The following PAK2 variants were observed in gnomAD, a reference collection of about 807,000 sequenced individuals.
The protein encoded by PAK2 is p21 (RAC1) activated kinase 2.
In PAK2, 21 loss-of-function variants were observed where a neutral mutation model predicts 65.9. That is an observed-to-expected ratio of 0.32 (90% CI 0.23 to 0.46). PAK2 has a LOEUF of 0.46. PAK2 is among the 20% of genes least tolerant of loss of function. The pLI is 1.00. For missense variants in PAK2, 324 were observed against 642.6 expected, an observed-to-expected ratio of 0.50 and a Z score of 5.36; for synonymous variants, 204 against 219.7, an observed-to-expected ratio of 0.93 and a Z score of 0.63.
chr3:196,774,909 C>T (rs1239884100), intron 1 of PAK2, among the ~76,000 whole-genome samples: 1 of 152,194 alleles, frequency 6.6e-6, no homozygotes, highest in East Asian at 1.9e-4. Flanking sequence ...TTTGTCATTA[C>T]TTGTAATAGA....
At chr3:196,777,948 T>G (rs1714587109) in intron 1 of PAK2, among the ~76,000 whole-genome samples, 1 of 152,216 alleles carries the variant, frequency 6.6e-6, no homozygotes, top group Non-Finnish European at 1.5e-5. Context: ...GTGGTTTTAG[T>G]GTATTCACAG....
intron 1 of PAK2, among the ~76,000 whole-genome samples, chr3:196,766,468 G>A (rs767584325): frequency 1.1e-4 from 16 of 152,232 alleles, no homozygotes; most frequent in East Asian, 1.9e-4. Flanking sequence ...ATTCTGTTCC[G>A]TATTTTGGTC....
intron 1 of PAK2, among the ~76,000 whole-genome samples, chr3:196,756,191 T>C (rs1713763775): frequency 1.3e-5 from 2 of 152,160 alleles, no homozygotes; most frequent in African/African-American, 4.8e-5. Context: ...AGTTTTTTAA[T>C]GTGGTGATTG....
intron 7 of PAK2, 88 bp from the exon 8 acceptor site, chr3:196,810,502 A>G: frequency 1.3e-6 from 1 of 759,120 alleles, no homozygotes; most frequent in Non-Finnish European, 2.3e-6. Flanking sequence ...TTATAAAAAC[A>G]GTGGAGTTCA....
chr3:196,808,033 T>A (rs1715641900), intron 7 of PAK2, 119 bp downstream of exon 7: 1 of 920,486 alleles, frequency 1.1e-6, no homozygotes, highest in Non-Finnish European at 1.6e-6. Context: ...ATAAATTGTT[T>A]CCTTATAGCA....
chr3:196,829,848 TA>T lies in PAK2; in HGVS notation c.*1447del, dbSNP rs1486445292. On this transcript the variant is annotated 3_prime_UTR_variant, in exon 15 of 15. Coordinates refer to ENST00000327134, the MANE Select transcript of PAK2 (RefSeq NM_002577.4). Reference sequence around the variant, plus strand: ...AATAATTTGTTTCTTTTAAAGATTCTAAAAGGTCTGAGACCTGTAGCATTAA... The same window carrying T: ...AATAATTTGTTTCTTTTAAAGATTCTAAAGGTCTGAGACCTGTAGCATTAA... The T allele has an allele frequency of 1.3e-5, 2 of 152,234 alleles. No individual in the cohort carries two copies. Among genetic ancestry groups the T allele is most frequent in the Non-Finnish European group, 2.9e-5 (2 of 68,046 alleles). The allele number at this position is 152,234 out of a possible 1,614,324, so 9.4% of individuals were successfully genotyped here. A position where few individuals can be genotyped will look rare whatever the true frequency, so the allele number is the denominator to read the frequency against.
chr3:196,808,118 G>A (rs1560111975), intron 7 of PAK2: 1 of 431,304 alleles, frequency 2.3e-6, no homozygotes, highest in Admixed American at 4.2e-5. Flanking sequence ...AGGAGATCAA[G>A]ACCAGCCTGG....
At position 196,791,459 on chromosome 3, in the gene PAK2, T is replaced by C. The variant is rs1481818544; in HGVS notation, c.187+8626T>C. Among the ~76,000 whole-genome samples the C allele has an allele frequency of 1.3e-5, 2 of 152,206 alleles. No individual in the cohort carries two copies. The highest frequency in any genetic ancestry group is 1.3e-4 in the Admixed American group (2 of 15,278). On this transcript the variant is annotated intron_variant, in intron 2 of 14. Coordinates refer to ENST00000327134, the MANE Select transcript of PAK2 (RefSeq NM_002577.4). The surrounding 1 kb of genome is among the most constrained non-coding windows in gnomAD (Gnocchi z 4.0). The stretch of plus-strand genomic sequence containing the variant: ...ACTCCTATCATATATGAAACTTTAA[T>C]ATATTTCTCTAAACTCTTAACGTTT...
intron 1 of PAK2, among the ~76,000 whole-genome samples, chr3:196,741,922 G>GTTTA (rs1713205124): frequency 1.3e-5 from 2 of 152,022 alleles, no homozygotes; most frequent in African/African-American, 4.8e-5. Flanking sequence ...TAGGGCCTTG[G>GTTTA]TTTATGGTTT....
Position 196,789,794 on chromosome 3 carries a change from G to C in PAK2, c.187+6961G>C, listed in dbSNP as rs148263003. On this transcript the variant is annotated intron_variant, in intron 2 of 14. Coordinates refer to ENST00000327134, the MANE Select transcript of PAK2 (RefSeq NM_002577.4). ...AACAATTTTTCTGTGGGGCTGACGG[G>C]GGGGTGGTTTCGGTATGAAACTCTT... Among the ~76,000 whole-genome samples, 20 of 152,254 alleles carry C rather than the reference G, an allele frequency of 1.3e-4. No homozygotes were observed. The East Asian group carries it at 1.7e-3, about 13-fold the overall frequency.
chr3:196,759,673 C>T (rs761012683), intron 1 of PAK2, among the ~76,000 whole-genome samples: 4 of 151,476 alleles, frequency 2.6e-5, no homozygotes, highest in East Asian at 3.9e-4. Context: ...ACTACAGGCA[C>T]GCACCACCAC....
chr3:196,825,419 A>G (rs144014544), intron 13 of PAK2, among the ~76,000 whole-genome samples: 7,715 of 151,096 alleles, frequency 0.051, 693 homozygotes, highest in African/African-American at 0.18. Flanking sequence ...CAAGGCGGGC[A>G]GATCACAAAG....
intron 1 of PAK2, among the ~76,000 whole-genome samples, chr3:196,742,236 G>A (rs1713221403): frequency 6.6e-6 from 1 of 151,626 alleles, no homozygotes; most frequent in Non-Finnish European, 1.5e-5. Context: ...TTACAGGCAC[G>A]CGCCACCACG....
intron 13 of PAK2, among the ~76,000 whole-genome samples, chr3:196,824,823 A>AG (rs1711776391): frequency 6.6e-6 from 1 of 151,972 alleles, no homozygotes; most frequent in South Asian, 2.1e-4. Flanking sequence ...AAAAAAAAAA[A>AG]CAAGACCATA....
intron 6 of PAK2, 149 bp downstream of exon 6, chr3:196,806,835 C>T: frequency 1.7e-6 from 1 of 596,052 alleles, no homozygotes; most frequent in Non-Finnish European, 3.1e-6. Flanking sequence ...GAAATCTGTA[C>T]CCAAAGACCA....
chr3:196,741,089 C>T (rs1047137324), intron 1 of PAK2, among the ~76,000 whole-genome samples: 1 of 152,080 alleles, frequency 6.6e-6, no homozygotes, highest in Non-Finnish European at 1.5e-5. Context: ...GGCGATGTGT[C>T]CTTTCTTTGT....
chr3:196,807,689 C>A, intron 6 of PAK2, 93 bp from the exon 7 acceptor site: 2 of 700,962 alleles, frequency 2.9e-6, no homozygotes, highest in South Asian at 3.8e-5. Flanking sequence ...CTACTTAGTT[C>A]AGGTTAAAAA....
rs1491521540 is a variant in PAK2 at position 196,751,663 on chromosome 3, T to TTTTATATATA, written c.-22+11507_-22+11508insTTATATATAT. ...CTGTCCCCCCAAAAAACACACAAAT[T>TTTTATATATA]TATTTATATACATATATATATATAT... On this transcript the variant is annotated intron_variant, in intron 1 of 14. Transcript: ENST00000327134. Among the ~76,000 whole-genome samples, 33 of 45,722 alleles carry TTTTATATATA rather than the reference T, an allele frequency of 7.2e-4. 2 individuals are homozygous for TTTTATATATA. Among genetic ancestry groups the TTTTATATATA allele is most frequent in the African/African-American group, 3.6e-3 (32 of 8,778 alleles). 30.0% of individuals were successfully genotyped at this position (45,722 alleles called of 152,430 possible). A position where few individuals can be genotyped will look rare whatever the true frequency, so the allele number is the denominator to read the frequency against.
intron 2 of PAK2, among the ~76,000 whole-genome samples, chr3:196,786,826 C>CTT (rs112180328): frequency 8.2e-5 from 12 of 146,560 alleles, no homozygotes; most frequent in South Asian, 2.2e-4. Flanking sequence ...ATCTTACAAT[C>CTT]TTTTTTTTTT....
Sources: allele counts gnomAD v4.1 joint callset (sites outside exome capture counted in the v4.1 genomes callset), GRCh38; gene constraint gnomAD v4.1.1; non-coding constraint Gnocchi (gnomAD v3.1); transcripts MANE v1.5; gene names NCBI Gene and HGNC (gene_info 2026-07-23, HGNC 2026-07-21).